The following RANBP2 variants were observed in gnomAD, a reference collection of about 807,000 sequenced individuals.
The protein encoded by RANBP2 is RAN binding protein 2.
In RANBP2, 57 loss-of-function variants were observed where a neutral mutation model predicts 303.6. The ratio of observed to expected loss-of-function variants is 0.19; its 90% CI spans 0.15 to 0.23. The LOEUF (loss-of-function observed/expected upper bound fraction) is 0.23. RANBP2 is among the 10% of genes least tolerant of loss of function. RANBP2 has a pLI of 1.00. For synonymous variants in RANBP2, 1,167 were observed against 1,301.5 expected, an observed-to-expected ratio of 0.90 and a Z score of 2.23; for missense variants, 3,138 against 3,780.8, an observed-to-expected ratio of 0.83 and a Z score of 4.46.
chr2:109,585,379 C>G, the RANBP2 span: 1 of 1,368,706 alleles, frequency 7.3e-7, no homozygotes, highest in Non-Finnish European at 1.0e-6. Context: ...AGAAATACAA[C>G]TGTAAATGCC....
chr2:109,107,748 TC>T, the RANBP2 span, among the ~76,000 whole-genome samples: 1 of 152,192 alleles, frequency 6.6e-6, no homozygotes, highest in East Asian at 1.9e-4. Flanking sequence ...ACTTTTTTTT[TC>T]TTTTTTTTGA....
At chr2:108,988,798 C>T in the RANBP2 span, among the ~76,000 whole-genome samples, 1 of 152,210 alleles carries the variant, frequency 6.6e-6, no homozygotes, top group Non-Finnish European at 1.5e-5. Context: ...GGTCTTAGAA[C>T]TGGTAGCGCA....
chr2:108,917,937 C>T, the RANBP2 span, among the ~76,000 whole-genome samples: 8 of 152,008 alleles, frequency 5.3e-5, no homozygotes, highest in South Asian at 1.7e-3. Context: ...GAAAAATTGC[C>T]ATGGAAAACA....
chr2:108,794,627 G>A, the RANBP2 span: 2 of 1,613,968 alleles, frequency 1.2e-6, no homozygotes, highest in Non-Finnish European at 8.5e-7. Flanking sequence ...CCTGTCAGCT[G>A]TCCAAAATCT....
the RANBP2 span, among the ~76,000 whole-genome samples, chr2:109,070,534 G>C: frequency 6.6e-6 from 1 of 152,120 alleles, no homozygotes; most frequent in African/African-American, 2.4e-5. Context: ...TGAGTTCTCA[G>C]TCTGGTAGTT....
the RANBP2 span, among the ~76,000 whole-genome samples, chr2:108,807,409 TTATG>T: frequency 4.6e-5 from 7 of 152,184 alleles, no homozygotes; most frequent in Non-Finnish European, 8.8e-5. Context: ...TTATGCATAA[TTATG>T]GGGTACAGTG....
chr2:109,476,645 C>G, the RANBP2 span, among the ~76,000 whole-genome samples: 1 of 152,164 alleles, frequency 6.6e-6, no homozygotes, highest in Non-Finnish European at 1.5e-5. Context: ...CAATCCAGAT[C>G]CCAAGAGAGG....
At chr2:109,400,393 C>A in the RANBP2 span, among the ~76,000 whole-genome samples, 1 of 152,186 alleles carries the variant, frequency 6.6e-6, no homozygotes, top group African/African-American at 2.4e-5. Context: ...TATACACATG[C>A]ACGCACATAT....
At chr2:108,945,704 C>A in the RANBP2 span, among the ~76,000 whole-genome samples, 2 of 152,216 alleles carry the variant, frequency 1.3e-5, no homozygotes, top group African/African-American at 2.4e-5. Flanking sequence ...GGCATATGCA[C>A]ACAATGGAAT....
At chr2:109,587,406 T>A in the RANBP2 span, among the ~76,000 whole-genome samples, 1 of 151,616 alleles carries the variant, frequency 6.6e-6, no homozygotes, top group Non-Finnish European at 1.5e-5. Context: ...ATACCAGTAA[T>A]TGGAATACAA....
the RANBP2 span, among the ~76,000 whole-genome samples, chr2:109,309,932 C>T: frequency 2.4e-5 from 3 of 123,208 alleles, no homozygotes; most frequent in African/African-American, 4.1e-5. Context: ...GACAGATCAA[C>T]GAGACAGAAA....
chr2:108,804,992 A>T, the RANBP2 span: 1 of 1,538,364 alleles, frequency 6.5e-7, no homozygotes, highest in Non-Finnish European at 8.7e-7. Flanking sequence ...GAATTGAATG[A>T]TACCTTAAAA....
the RANBP2 span, among the ~76,000 whole-genome samples, chr2:109,415,783 C>T: frequency 6.6e-6 from 1 of 152,172 alleles, no homozygotes; most frequent in Admixed American, 6.5e-5. Context: ...TCCTCTAGGC[C>T]CACCACCCAC....
At chr2:109,361,560 G>A in the RANBP2 span, among the ~76,000 whole-genome samples, 3 of 152,086 alleles carry the variant, frequency 2.0e-5, no homozygotes, top group East Asian at 1.9e-4. Context: ...TGCAACCTCC[G>A]CCTCCCTGGT....
the RANBP2 span, among the ~76,000 whole-genome samples, chr2:109,318,117 C>T: frequency 2.0e-5 from 3 of 151,398 alleles, no homozygotes; most frequent in Non-Finnish European, 4.4e-5. Context: ...AAAAAGCCCC[C>T]TTTAAGCAGA....
chr2:109,152,614 T>G, the RANBP2 span, among the ~76,000 whole-genome samples: 1 of 152,276 alleles, frequency 6.6e-6, no homozygotes, highest in African/African-American at 2.4e-5. Context: ...TATTTAAAGC[T>G]GTGGGGATTA....
At chr2:109,413,740 G>A in the RANBP2 span, among the ~76,000 whole-genome samples, 6 of 152,214 alleles carry the variant, frequency 3.9e-5, no homozygotes, top group African/African-American at 1.2e-4. Flanking sequence ...ATGCCTTGTA[G>A]GACCTGAGTT....
chr2:109,678,473 A>G, the RANBP2 span, among the ~76,000 whole-genome samples: 2 of 152,204 alleles, frequency 1.3e-5, no homozygotes, highest in African/African-American at 2.4e-5. Flanking sequence ...CGCAAAGCCC[A>G]GCTGGTCACC....
the RANBP2 span, among the ~76,000 whole-genome samples, chr2:109,225,474 C>T: frequency 6.6e-6 from 1 of 152,218 alleles, no homozygotes; most frequent in Non-Finnish European, 1.5e-5. Flanking sequence ...CAGGCCGACT[C>T]CCCACTGGGG....
Sources: gnomAD v4.1 joint callset for allele counts (sites outside exome capture counted in the v4.1 genomes callset) on GRCh38, gnomAD v4.1.1 for gene constraint, MANE v1.5 for transcripts, NCBI Gene and HGNC (gene_info 2026-07-23, HGNC 2026-07-21) for gene names.